The following SIDT1 variants were observed in gnomAD, a reference collection of about 807,000 sequenced individuals.
The protein encoded by SIDT1 is SID1 transmembrane family member 1.
SIDT1 carries 101 observed loss-of-function variants against 107.5 expected under a neutral mutation model. The ratio of observed to expected loss-of-function variants is 0.94; its 90% CI spans 0.80 to 1.11. SIDT1 has a LOEUF of 1.11. Ranked by LOEUF, SIDT1 falls within the 50% of genes least tolerant of loss-of-function variation. The probability of loss-of-function intolerance (pLI) is 0.00; values close to 1 mark genes in which losing one functional copy is unlikely to be tolerated. For missense variants in SIDT1, 1,076 were observed against 1,058.2 expected, an observed-to-expected ratio of 1.02 and a Z score of -0.23; for synonymous variants, 395 against 398.2, an observed-to-expected ratio of 0.99 and a Z score of 0.10.
At chr3:113,607,998 T>C in intron 15 of SIDT1, 96 bp from the exon 16 acceptor site, 1 of 1,334,442 alleles carries the variant, frequency 7.5e-7, no homozygotes, top group South Asian at 1.9e-5. Context: ...ATGGAAAACA[T>C]TCATGCTGAA....
intron 21 of SIDT1, among the ~76,000 whole-genome samples, chr3:113,621,046 T>C (rs1000232070): frequency 5.3e-5 from 8 of 152,200 alleles, no homozygotes; most frequent in African/African-American, 1.9e-4. Flanking sequence ...TCCTTCCCAG[T>C]TGCTTCATAA....
chr3:113,609,058 C>CTTTTTTTT lies in SIDT1; in HGVS notation c.1720+539_1720+546dup, dbSNP rs11453487. On this transcript the variant is annotated intron_variant, in intron 17 of 24. Coordinates refer to ENST00000264852, the MANE Select transcript of SIDT1 (RefSeq NM_017699.3). ...TAGCTTATACAGTCATGAGCCCATT[C>CTTTTTTTT]TTTTTTTTTTTTTTTTTTTTTTTTG... 2.1e-4 allele frequency among the ~76,000 whole-genome samples: 18 copies of CTTTTTTTT among 86,680 alleles called. 1 individual carries two copies. Among genetic ancestry groups the CTTTTTTTT allele is most frequent in the African/African-American group, 7.3e-4 (17 of 23,196 alleles). The allele number at this position is 86,680 out of a possible 152,430, so 56.9% of individuals were successfully genotyped here.
intron 3 of SIDT1, 113 bp from the exon 4 acceptor site, chr3:113,576,809 C>T: frequency 9.1e-7 from 1 of 1,094,532 alleles, no homozygotes; most frequent in Admixed American, 1.8e-5. Context: ...AAGGGTGAAG[C>T]TCTCCTTGAG....
At chr3:113,566,864 G>A (rs1941965032) in intron 2 of SIDT1, among the ~76,000 whole-genome samples, 1 of 152,094 alleles carries the variant, frequency 6.6e-6, no homozygotes, top group Non-Finnish European at 1.5e-5. Flanking sequence ...TAACATAAGT[G>A]AGTAACTCTT....
chr3:113,627,309 A>G (rs1435777331), intron 24 of SIDT1, among the ~76,000 whole-genome samples: 1 of 152,126 alleles, frequency 6.6e-6, no homozygotes, highest in Middle Eastern at 3.2e-3. Context: ...ACTATCTAAC[A>G]TGCTATATTT....
At chr3:113,604,786 C>A in intron 13 of SIDT1, 124 bp from the exon 14 acceptor site, 1 of 1,041,832 alleles carries the variant, frequency 9.6e-7, no homozygotes, top group Non-Finnish European at 1.4e-6. Flanking sequence ...ACATAATCAG[C>A]TTCTGGTTAC....
intron 10 of SIDT1, among the ~76,000 whole-genome samples, chr3:113,594,701 C>T (rs560256153): frequency 2.6e-5 from 4 of 151,910 alleles, no homozygotes; most frequent in East Asian, 3.9e-4. Flanking sequence ...TGATGGTAAG[C>T]GGAAACAAAT....
chr3:113,633,959 C>T (rs915269690), downstream of SIDT1, among the ~76,000 whole-genome samples: 4 of 152,292 alleles, frequency 2.6e-5, no homozygotes, highest in East Asian at 5.8e-4. Flanking sequence ...GCCTGTCGGA[C>T]GCCTACAGCC....
rs773252869 is a variant in SIDT1, at chr3:113,608,483, G to A, written c.1667G>A (p.Gly556Glu). The A allele has an allele frequency of 2.9e-5, 46 of 1,614,002 alleles. No homozygotes were observed. Among genetic ancestry groups the A allele is most frequent in the Middle Eastern group, 1.6e-4 (1 of 6,084 alleles). Residue 556 changes from glycine (G) to glutamate (E), a missense_variant, in exon 17 of 25, where the codon GGG becomes GAG. Physicochemically the swap from Gly to Glu is moderately conservative, Grantham distance 98 (BLOSUM62 -2). Transcript: ENST00000264852. Reference sequence around the variant, plus strand: ...ATGGGCATTGCATTGATGATGGAAGGGGTGCTCAGTGCTTGCTACCATGTC... The same window carrying A: ...ATGGGCATTGCATTGATGATGGAAGAGGTGCTCAGTGCTTGCTACCATGTC... Reference protein sequence around the residue: ...YAMGIALMMEGVLSACYHVCP... With the variant: ...YAMGIALMMEEVLSACYHVCP...
Position 113,533,043 on chromosome 3 carries a change from G to A in SIDT1, c.22G>A (p.Ala8Thr), listed in dbSNP as rs747082833. 7.1e-7 allele frequency: 1 copy of A among 1,409,010 alleles called. No individual in the cohort carries two copies. Among genetic ancestry groups the A allele is most frequent in the Non-Finnish European group, 9.2e-7 (1 of 1,083,950 alleles). 87.3% of individuals were successfully genotyped at this position (1,409,010 alleles called of 1,614,324 possible). MRGCLRL[A>T]LLCALPWLLL... ...CACCATGCGCGGCTGCCTGCGGCTCGCGCTGCTCTGCGCGCTGCCCTGGCT... is the reference window on the plus strand; with the variant it reads ...CACCATGCGCGGCTGCCTGCGGCTCACGCTGCTCTGCGCGCTGCCCTGGCT... The change falls in exon 1 of 25, where the codon GCG (alanine) becomes ACG (threonine). Residue 8 changes from alanine to threonine, a missense_variant. By Grantham distance (58) the Ala-to-Thr change is moderately conservative. Coordinates refer to ENST00000264852, the MANE Select transcript of SIDT1 (RefSeq NM_017699.3).
chr3:113,622,022 A>G (rs1418697726), intron 21 of SIDT1, among the ~76,000 whole-genome samples: 1 of 152,242 alleles, frequency 6.6e-6, no homozygotes, highest in Admixed American at 6.5e-5. Context: ...ATAATCTAGC[A>G]TATTATAAAA....
At chr3:113,547,415 T>C (rs1262063301) in intron 1 of SIDT1, among the ~76,000 whole-genome samples, 2 of 152,176 alleles carry the variant, frequency 1.3e-5, no homozygotes, top group African/African-American at 4.8e-5. Flanking sequence ...TAAATGTTGT[T>C]AATAATAAAA....
chr3:113,589,423 A>C (rs1024786802), intron 9 of SIDT1, among the ~76,000 whole-genome samples: 2 of 152,226 alleles, frequency 1.3e-5, no homozygotes, highest in Non-Finnish European at 2.9e-5. Context: ...CTATGAGTAC[A>C]TACAATTGCT....
rs887118889 is a variant in SIDT1 at position 113,628,363 on chromosome 3, C to T, written c.*655C>T. 3 of 152,982 alleles carry T rather than the reference C, an allele frequency of 2.0e-5. No homozygotes were observed. The highest frequency in any genetic ancestry group is 4.4e-5 in the Non-Finnish European group (3 of 68,366). The allele number at this position is 152,982 out of a possible 1,614,324, so 9.5% of individuals were successfully genotyped here. A position where few individuals can be genotyped will look rare whatever the true frequency, so the allele number is the denominator to read the frequency against. ...CACATTCCTCTTAACAAGTAACTGT[C>T]ACTGGGACCGAGTCCTGGGTGCTTA... On this transcript the variant is annotated 3_prime_UTR_variant, in exon 25 of 25. Transcript: ENST00000264852.
chr3:113,601,921 GC>G, intron 11 of SIDT1: 1 of 365,878 alleles, frequency 2.7e-6, no homozygotes, highest in Non-Finnish European at 4.9e-6. Context: ...TAATACTAAG[GC>G]CCCCTAGGGA....
intron 1 of SIDT1, among the ~76,000 whole-genome samples, chr3:113,551,573 T>A (rs7646262): frequency 0.1 from 15,369 of 152,228 alleles, 1,037 homozygotes; most frequent in African/African-American, 0.18. Flanking sequence ...AGTCGTGTCT[T>A]TTGATCATGC....
intron 19 of SIDT1, 130 bp downstream of exon 19, chr3:113,612,324 G>A: frequency 2.7e-6 from 2 of 728,056 alleles, no homozygotes; most frequent in Middle Eastern, 2.3e-4. Flanking sequence ...TCTATGCCAT[G>A]TTTAATAGCA....
intron 9 of SIDT1, among the ~76,000 whole-genome samples, chr3:113,591,531 T>C (rs966126085): frequency 2.0e-5 from 3 of 151,430 alleles, no homozygotes; most frequent in African/African-American, 7.3e-5. Context: ...CTGATATCAA[T>C]CTTATTACAA....
At chr3:113,591,042 G>C (rs1268974136) in intron 9 of SIDT1, among the ~76,000 whole-genome samples, 1 of 152,154 alleles carries the variant, frequency 6.6e-6, no homozygotes, top group Non-Finnish European at 1.5e-5. Context: ...CCTTATGAAG[G>C]AGACAAAAAG....
Sources: gnomAD v4.1 joint callset for allele counts (sites outside exome capture counted in the v4.1 genomes callset) on GRCh38, gnomAD v4.1.1 for gene constraint, MANE v1.5 for transcripts, NCBI Gene and HGNC (gene_info 2026-07-23, HGNC 2026-07-21) for gene names.